COL22A1: variants seen among roughly 807,000 people sequenced by gnomAD.
COL22A1 encodes collagen alpha-1(XXII) chain.
In COL22A1, 221 loss-of-function variants were observed where a neutral mutation model predicts 248.9. That is an observed-to-expected ratio of 0.89 (90% CI 0.80 to 0.99). The LOEUF (loss-of-function observed/expected upper bound fraction) is 0.99. COL22A1 is among the 50% of genes least tolerant of loss of function. The probability of loss-of-function intolerance (pLI) is 0.00; values close to 1 mark genes in which losing one functional copy is unlikely to be tolerated. For synonymous variants in COL22A1, 891 were observed against 793.4 expected (o/e 1.12, Z -2.07); for missense variants, 2,240 against 2,179.0 (o/e 1.03, Z -0.56).
intron 14 of COL22A1, among the ~76,000 whole-genome samples, 166 bp from the exon 15 acceptor site, chr8:138,778,572 G>A (rs567438384): frequency 7.9e-5 from 12 of 152,286 alleles, no homozygotes; most frequent in Non-Finnish European, 1.3e-4. Context: ...ACACTCCCTC[G>A]ACCTCTGCTT....
intron 6 of COL22A1, 109 bp from the exon 7 acceptor site, chr8:138,821,520 G>C (rs1586826307): frequency 8.9e-7 from 1 of 1,121,484 alleles, no homozygotes. Flanking sequence ...AGTCAATCCT[G>C]GCTGTGACTC....
rs1412517709 is a variant in COL22A1 at position 138,664,199 on chromosome 8, G to GCA, written c.3151-460_3151-459insTG. Reference sequence around the variant, plus strand: ...CTCCCTTCTCCAACAAGGGGTGCGCGCGCGCGCGCGCACACACACACACAC... The same window carrying GCA: ...CTCCCTTCTCCAACAAGGGGTGCGCGCACGCGCGCGCGCACACACACACACAC... On this transcript the variant is annotated intron_variant, in intron 41 of 64. Transcript: ENST00000303045. Among the ~76,000 whole-genome samples the GCA allele has an allele frequency of 6.7e-5, 5 of 74,588 alleles. No individual in the cohort carries two copies. In the South Asian group the frequency reaches 1.6e-3, roughly 24 times the overall value. 48.9% of individuals were successfully genotyped at this position (74,588 alleles called of 152,430 possible).
chr8:138,675,041 C>A (rs1372663053), intron 41 of COL22A1, among the ~76,000 whole-genome samples: 1 of 152,164 alleles, frequency 6.6e-6, no homozygotes. Context: ...ACTAGACATT[C>A]CCAAGGGCAT....
chr8:138,761,197 C>T (rs1305347621), intron 17 of COL22A1, among the ~76,000 whole-genome samples: 2 of 152,136 alleles, frequency 1.3e-5, no homozygotes, highest in Admixed American at 6.5e-5. Flanking sequence ...TTGTTTTTTG[C>T]ACACTCATCC....
chr8:138,693,732 G>T lies in COL22A1; in HGVS notation c.2701-33C>A, dbSNP rs776864271. On this transcript the variant is annotated intron_variant, in intron 34 of 64. Coordinates refer to ENST00000303045, the MANE Select transcript of COL22A1 (RefSeq NM_152888.3). ...GGAAATAAAAGAGGGGCGGGGGTAAGACACCCTCAGTGATGCTGTTTCCCC... is the reference window on the plus strand; with the variant it reads ...GGAAATAAAAGAGGGGCGGGGGTAATACACCCTCAGTGATGCTGTTTCCCC... The T allele has an allele frequency of 1.9e-6, 3 of 1,552,460 alleles. No individual in the cohort carries two copies. In the South Asian group the frequency reaches 3.6e-5, roughly 18 times the overall value.
At chr8:138,797,640 GT>G (rs1411015725) in intron 11 of COL22A1, among the ~76,000 whole-genome samples, 1 of 152,136 alleles carries the variant, frequency 6.6e-6, no homozygotes, top group Non-Finnish European at 1.5e-5. Flanking sequence ...TGGTAACTCT[GT>G]CTTTAACCTA....
Position 138,619,620 on chromosome 8 carries a change from C to T in COL22A1, c.3772-112G>A, listed in dbSNP as rs537056260. The stretch of plus-strand genomic sequence containing the variant: ...TTCCCACAAGCCAGTTTCTATCCAC[C>T]CTGTCAGCCCTTTCCCCTGGTGTCT... On this transcript the variant is annotated intron_variant, in intron 52 of 64. Coordinates refer to ENST00000303045, the MANE Select transcript of COL22A1 (RefSeq NM_152888.3). 5.3e-6 allele frequency: 5 copies of T among 949,026 alleles called. No individual in the cohort carries two copies. In the African/African-American group the frequency reaches 8.1e-5, roughly 15 times the overall value. 58.8% of individuals were successfully genotyped at this position (949,026 alleles called of 1,614,324 possible).
chr8:138,862,323 A>G (rs1822545448), intron 3 of COL22A1, among the ~76,000 whole-genome samples: 1 of 152,162 alleles, frequency 6.6e-6, no homozygotes, highest in Admixed American at 6.5e-5. Flanking sequence ...CGTGGCCACA[A>G]CACCCTAGGG....
At chr8:138,765,061 CA>C (rs1216623294) in intron 16 of COL22A1, among the ~76,000 whole-genome samples, 1 of 152,210 alleles carries the variant, frequency 6.6e-6, no homozygotes, top group African/African-American at 2.4e-5. Context: ...AGTGATTCCA[CA>C]TCTATCACTA....
intron 3 of COL22A1, among the ~76,000 whole-genome samples, chr8:138,852,472 A>T (rs1039064224): frequency 6.6e-6 from 1 of 152,180 alleles, no homozygotes; most frequent in African/African-American, 2.4e-5. Flanking sequence ...AATGGTGGAC[A>T]TTTTCCATCT....
chr8:138,731,185 C>T (rs1021739083), intron 23 of COL22A1, among the ~76,000 whole-genome samples: 5 of 152,096 alleles, frequency 3.3e-5, no homozygotes, highest in African/African-American at 1.2e-4. Flanking sequence ...CCTGTAATCA[C>T]AGCTACTAGG....
At chr8:138,698,269 G>T (rs188801484) in intron 32 of COL22A1, among the ~76,000 whole-genome samples, 1 of 152,176 alleles carries the variant, frequency 6.6e-6, no homozygotes, top group Non-Finnish European at 1.5e-5. Context: ...ACAGCCAGCC[G>T]GAACTGAAGC....
intron 27 of COL22A1, among the ~76,000 whole-genome samples, chr8:138,719,782 C>T (rs1586562486): frequency 6.6e-6 from 1 of 152,162 alleles, no homozygotes; most frequent in South Asian, 2.1e-4. Context: ...ACCTAGCAAG[C>T]CCGTACTGTG....
At chr8:138,901,704 A>AACG (rs1814585719) in intron 1 of COL22A1, among the ~76,000 whole-genome samples, 1 of 151,950 alleles carries the variant, frequency 6.6e-6, no homozygotes. Context: ...CAAGACCCAA[A>AACG]ACGACATAAA....
intron 3 of COL22A1, among the ~76,000 whole-genome samples, chr8:138,865,815 A>G (rs1229387688): frequency 4.0e-5 from 5 of 123,940 alleles, no homozygotes; most frequent in Non-Finnish European, 8.5e-5. Context: ...GTATGTTTGT[A>G]TGCCTGTGTG....
intron 37 of COL22A1, among the ~76,000 whole-genome samples, chr8:138,687,033 G>A (rs937726588): frequency 6.6e-6 from 1 of 152,300 alleles, no homozygotes; most frequent in Middle Eastern, 3.4e-3. Context: ...CTCAGCTCAA[G>A]GCAACCTCCG....
intron 41 of COL22A1, among the ~76,000 whole-genome samples, chr8:138,669,884 A>ACTT (rs1824860968): frequency 1.6e-5 from 2 of 125,810 alleles, no homozygotes; most frequent in Non-Finnish European, 3.3e-5. Context: ...AACTCCTAAG[A>ACTT]CTTTTTTTTT....
intron 3 of COL22A1, among the ~76,000 whole-genome samples, chr8:138,862,421 G>A (rs1369432328): frequency 6.6e-6 from 1 of 152,128 alleles, no homozygotes; most frequent in East Asian, 1.9e-4. Flanking sequence ...TCTGGAGGCT[G>A]GAGCTGAGGC....
rs544213430 is a variant in COL22A1 at position 138,873,204 on chromosome 8, C to G, written c.658+4546G>C. On this transcript the variant is annotated intron_variant, in intron 3 of 64. Transcript: ENST00000303045. ...GTGCCATCAACCATAAAACAGCCAG[C>G]CTGCCTTTTCTAAATCTGCACCAGC... 5.9e-5 allele frequency among the ~76,000 whole-genome samples: 9 copies of G among 152,302 alleles called. No homozygotes were observed. In the East Asian group the frequency reaches 1.7e-3, roughly 29 times the overall value.
Sources: allele counts gnomAD v4.1 joint callset (sites outside exome capture counted in the v4.1 genomes callset), GRCh38; gene constraint gnomAD v4.1.1; transcripts MANE v1.5; gene names NCBI Gene and HGNC (gene_info 2026-07-23, HGNC 2026-07-21).